Variants in CNGB1 observed in about 807,000 individuals in gnomAD.
CNGB1 encodes cyclic nucleotide gated channel subunit beta 1, also known as cyclic nucleotide-gated channel beta-1.
CNGB1 carries 126 observed loss-of-function variants against 151.7 expected under a neutral mutation model. That is an observed-to-expected ratio of 0.83 (90% confidence interval 0.72 to 0.96). CNGB1 has a LOEUF of 0.96. CNGB1 is among the 40% of genes least tolerant of loss of function. The pLI, the probability that CNGB1 is intolerant of heterozygous loss-of-function variation, is 0.00. For synonymous variants in CNGB1, 623 were observed against 635.1 expected, an observed-to-expected ratio of 0.98 and a Z score of 0.29; for missense variants, 1,698 against 1,627.0, an observed-to-expected ratio of 1.04 and a Z score of -0.75.
At chr16:57,898,053 G>A in intron 29 of CNGB1, 139 bp from the exon 30 acceptor site, 2 of 838,380 alleles carry the variant, frequency 2.4e-6, no homozygotes, top group East Asian at 2.4e-5. Context: ...ACAACTTGGG[G>A]TGTCGTGTGG....
Position 57,963,062 on chromosome 16 carries a change from G to T in CNGB1, c.293C>A (p.Pro98His). 1 of 1,610,070 alleles carries T rather than the reference G, an allele frequency of 6.2e-7. No homozygotes were observed. The highest frequency in any genetic ancestry group is 8.5e-7 in the Non-Finnish European group (1 of 1,177,918). The change falls in exon 5 of 33, where the codon CCC becomes CAC. Residue 98 changes from proline (P) to histidine (H), a missense_variant and splice_region_variant. Transcript: ENST00000251102. ...QGAEISEMNS[P>H]SRRVLTWLMK... ...GAGCCAGGTCAGTACCCTGCGGCTG[G>T]GACTGCGATGGACAGAGACACCAGC... is the stretch of plus-strand genomic sequence containing the variant.
chr16:57,891,093 C>T (rs1339410747), intron 31 of CNGB1, among the ~76,000 whole-genome samples: 1 of 152,216 alleles, frequency 6.6e-6, no homozygotes, highest in Non-Finnish European at 1.5e-5. Context: ...GCCTAACCCA[C>T]CCAGCAGGAT....
rs1219253481 is a variant in CNGB1 at position 57,884,187 on chromosome 16, C to G, written c.3733G>C (p.Glu1245Gln). Residue 1245 changes from glutamate (E) to glutamine (Q), a missense_variant, in exon 33 of 33, where the codon GAA becomes CAA. Physicochemically the swap from Glu to Gln is conservative, Grantham distance 29. Transcript: ENST00000251102. ...EQILSVKMPE[E>Q]REEKAE The stretch of plus-strand genomic sequence containing the variant: ...CCTTACTCCGCCTTCTCCTCCCTTT[C>G]CTCCGGCATCTTCACCGACAGGATC... 1 of 1,614,072 alleles carries G rather than the reference C, an allele frequency of 6.2e-7. No homozygotes were observed. The highest frequency in any genetic ancestry group is 8.5e-7 in the Non-Finnish European group (1 of 1,179,936).
At chr16:57,892,172 G>A (rs574337526) in intron 31 of CNGB1, among the ~76,000 whole-genome samples, 3 of 152,206 alleles carry the variant, frequency 2.0e-5, no homozygotes, top group South Asian at 2.1e-4. Context: ...GGACTTCAGC[G>A]GGGAGCGTGC....
At chr16:57,944,478 T>G (rs1485526592) in intron 14 of CNGB1, among the ~76,000 whole-genome samples, 2 of 152,140 alleles carry the variant, frequency 1.3e-5, no homozygotes, top group Non-Finnish European at 2.9e-5. Context: ...AGCCTGTGAC[T>G]CTAGTTAATA....
intron 14 of CNGB1, among the ~76,000 whole-genome samples, chr16:57,944,792 A>G (rs1434743508): frequency 6.6e-6 from 1 of 151,944 alleles, no homozygotes; most frequent in African/African-American, 2.4e-5. Context: ...CGCCTCTACT[A>G]AAAATACAAA....
rs1291636330 is a variant in CNGB1 at position 57,915,909 on chromosome 16, AAAAAG to A, written c.2217+215_2217+219del. Among the ~76,000 whole-genome samples, 15 of 151,412 alleles carry A rather than the reference AAAAAG, an allele frequency of 9.9e-5. No individual in the cohort carries two copies. In the East Asian group the frequency reaches 2.7e-3, roughly 27 times the overall value. ...TTAGACCCTGTCTCAAAAAAAAAAAAAAAAGAAAAGAAAAGAAAAAGAAGAAAGAT... is the reference window on the plus strand; with the variant it reads ...TTAGACCCTGTCTCAAAAAAAAAAAAAAAAGAAAAGAAAAAGAAGAAAGAT... On this transcript the variant is annotated intron_variant, in intron 22 of 32. Coordinates refer to ENST00000251102, the MANE Select transcript of CNGB1 (RefSeq NM_001297.5).
intron 12 of CNGB1, among the ~76,000 whole-genome samples, chr16:57,953,340 C>T (rs1318523499): frequency 3.3e-5 from 5 of 151,936 alleles, no homozygotes; most frequent in African/African-American, 1.2e-4. Context: ...ACTAAAAATA[C>T]AAAAATTAGC....
At chr16:57,923,902 G>GGT (rs1356188524) in intron 17 of CNGB1, among the ~76,000 whole-genome samples, 1 of 152,106 alleles carries the variant, frequency 6.6e-6, no homozygotes, top group African/African-American at 2.4e-5. Context: ...TGTGACCTTA[G>GGT]GTAAGTCCCA....
intron 12 of CNGB1, among the ~76,000 whole-genome samples, chr16:57,951,688 G>C (rs144380347): frequency 2.0e-5 from 3 of 152,288 alleles, no homozygotes; most frequent in East Asian, 3.9e-4. Flanking sequence ...GGAATAACTC[G>C]ATTAGTCCTC....
intron 23 of CNGB1, among the ~76,000 whole-genome samples, chr16:57,914,645 A>G (rs1960813158): frequency 6.6e-6 from 1 of 152,168 alleles, no homozygotes; most frequent in African/African-American, 2.4e-5. Flanking sequence ...ACGTGACAGG[A>G]CCATGGCCAG....
chr16:57,966,556 T>C (rs1962403446), intron 2 of CNGB1, among the ~76,000 whole-genome samples: 1 of 152,252 alleles, frequency 6.6e-6, no homozygotes, highest in Non-Finnish European at 1.5e-5. Context: ...ATCAATGCAC[T>C]GCTTCCTTCA....
rs1959822268 is a variant in CNGB1, at chr16:57,883,846, T to C, written c.*318A>G. ...GGAGCCTCATTTTATCCCTCACCCA[T>C]GAACTTTAAAAGTGGAAAATCATTT... On this transcript the variant is annotated 3_prime_UTR_variant, in exon 33 of 33. Coordinates refer to ENST00000251102, the MANE Select transcript of CNGB1 (RefSeq NM_001297.5). The C allele has an allele frequency of 4.1e-6, 2 of 484,914 alleles. No individual in the cohort carries two copies. Among genetic ancestry groups the C allele is most frequent in the African/African-American group, 1.9e-5 (1 of 51,366 alleles). 30.0% of individuals were successfully genotyped at this position (484,914 alleles called of 1,614,324 possible).
intron 25 of CNGB1, among the ~76,000 whole-genome samples, chr16:57,906,414 G>A (rs570167851): frequency 6.6e-5 from 10 of 152,300 alleles, no homozygotes; most frequent in Admixed American, 3.3e-4. Flanking sequence ...CAAGAAGCTC[G>A]TGGTCCAGTG....
rs1160748210 is a variant in CNGB1 at position 57,937,530 on chromosome 16, G to T, written c.1372+1900C>A. ...AATGTGTCATCAGGTCATGTGGCTGGCCCACCCAGGAGCACCGAGGGACAG... is the reference window on the plus strand; with the variant it reads ...AATGTGTCATCAGGTCATGTGGCTGTCCCACCCAGGAGCACCGAGGGACAG... On this transcript the variant is annotated intron_variant, in intron 16 of 32. Transcript: ENST00000251102. 2.6e-5 allele frequency among the ~76,000 whole-genome samples: 4 copies of T among 152,092 alleles called. No individual in the cohort carries two copies. In the South Asian group the frequency reaches 8.3e-4, roughly 32 times the overall value.
chr16:57,911,869 G>GATGACCCTGCAGAAGGAACACAGCGC lies in CNGB1; in HGVS notation c.2370-20_2375dup (p.Ile792MetfsTer22). On this transcript the variant is annotated frameshift_variant, in exon 25 of 33. Transcript: ENST00000251102. LOFTEE classifies it high-confidence loss of function. ...TGTAGAGAAGGTAGGCTGTGGTCCT[G>GATGACCCTGCAGAAGGAACACAGCGC]ATGACCCTGCAGAAGGAACACAGCG... 1 of 1,613,608 alleles carries GATGACCCTGCAGAAGGAACACAGCGC rather than the reference G, an allele frequency of 6.2e-7. No homozygotes were observed.
chr16:57,884,493 C>T, intron 32 of CNGB1, 36 bp from the exon 33 acceptor site: 1 of 1,612,356 alleles, frequency 6.2e-7, no homozygotes, highest in Non-Finnish European at 8.5e-7. Context: ...GAGGCACAGA[C>T]TCTCGGAGGG....
At chr16:57,896,963 G>A (rs1219043304) in intron 31 of CNGB1, among the ~76,000 whole-genome samples, 1 of 152,064 alleles carries the variant, frequency 6.6e-6, no homozygotes, top group Non-Finnish European at 1.5e-5. Flanking sequence ...AAGATGGATT[G>A]TGAATGAGAT....
intron 8 of CNGB1, 60 bp downstream of exon 8, chr16:57,960,780 C>G: frequency 6.4e-7 from 1 of 1,559,162 alleles, no homozygotes; most frequent in Non-Finnish European, 8.8e-7. Context: ...GCAGTCCCTC[C>G]TGGGGCCCCA....
Sources: allele counts gnomAD v4.1 joint callset (sites outside exome capture counted in the v4.1 genomes callset), GRCh38; gene constraint gnomAD v4.1.1; transcripts MANE v1.5; gene names NCBI Gene and HGNC (gene_info 2026-07-23, HGNC 2026-07-21).